RBPJ: variants seen among roughly 807,000 people sequenced by gnomAD.
RBPJ encodes recombining binding protein suppressor of hairless.
RBPJ carries 9 observed loss-of-function variants against 67.8 expected under a neutral mutation model. The ratio of observed to expected loss-of-function variants is 0.13; its 90% CI spans 0.08 to 0.23. The LOEUF (loss-of-function observed/expected upper bound fraction) is 0.23, where lower values mean the gene tolerates loss of function less well. RBPJ is among the 10% of genes least tolerant of loss of function. RBPJ has a pLI of 1.00. For missense variants in RBPJ, 305 were observed against 595.6 expected (o/e 0.51, Z 5.08); for synonymous variants, 198 against 203.3 (o/e 0.97, Z 0.22).
chr4:26,245,691 G>A (rs1719905391), intron 1 of RBPJ, among the ~76,000 whole-genome samples: 1 of 152,166 alleles, frequency 6.6e-6, no homozygotes, highest in Admixed American at 6.5e-5. Context: ...TTTCTTCTAT[G>A]AGTTTTATAG....
intron 1 of RBPJ, among the ~76,000 whole-genome samples, chr4:26,366,681 A>G (rs1345798748): frequency 6.6e-6 from 1 of 152,010 alleles, no homozygotes; most frequent in Non-Finnish European, 1.5e-5. Context: ...CGGCTTCCCA[A>G]AGTGCTGGGA....
intron 1 of RBPJ, among the ~76,000 whole-genome samples, chr4:26,250,506 A>G (rs1393981506): frequency 6.6e-6 from 1 of 151,662 alleles, no homozygotes; most frequent in African/African-American, 2.4e-5. Context: ...TAATTTTTGT[A>G]TTTTTAGTAG....
At chr4:26,280,163 G>C (rs1321749902) in intron 1 of RBPJ, among the ~76,000 whole-genome samples, 1 of 151,530 alleles carries the variant, frequency 6.6e-6, no homozygotes, top group Non-Finnish European at 1.5e-5. Flanking sequence ...GGGAGGCCGA[G>C]GTGGATGGAT....
At chr4:26,312,124 T>C (rs1027948100) in intron 1 of RBPJ, among the ~76,000 whole-genome samples, 1 of 151,720 alleles carries the variant, frequency 6.6e-6, no homozygotes, top group African/African-American at 2.4e-5. Context: ...AGGGCCTTCT[T>C]ATTTTATTTT....
chr4:26,266,853 C>A (rs1342040554), intron 1 of RBPJ, among the ~76,000 whole-genome samples: 1 of 152,138 alleles, frequency 6.6e-6, no homozygotes, highest in Non-Finnish European at 1.5e-5. Flanking sequence ...AGAAACACCA[C>A]AATTCCCAGG....
the RBPJ span, among the ~76,000 whole-genome samples, chr4:26,134,960 G>A: frequency 3.9e-4 from 60 of 152,212 alleles, no homozygotes; most frequent in African/African-American, 1.4e-3. Context: ...AGCAGAGGCA[G>A]TGGCAGGTCT....
intron 2 of RBPJ, among the ~76,000 whole-genome samples, chr4:26,387,840 A>C (rs2725326): frequency 0.024 from 3,686 of 152,288 alleles, 131 homozygotes; most frequent in African/African-American, 0.073. Flanking sequence ...AAATCTCATA[A>C]TTTATGGGGC....
intron 1 of RBPJ, among the ~76,000 whole-genome samples, chr4:26,260,192 TG>T (rs1197166265): frequency 5.9e-5 from 9 of 152,230 alleles, no homozygotes; most frequent in Non-Finnish European, 1.5e-5. Flanking sequence ...AGCATGGACC[TG>T]TATGTTTAGA....
chr4:26,343,739 CT>C (rs71186404), intron 1 of RBPJ, among the ~76,000 whole-genome samples: 1,074 of 55,810 alleles, frequency 0.019, 2 homozygotes, highest in African/African-American at 0.048. Context: ...TTTCTTTCTT[CT>C]TTTTTTTTTT....
intron 1 of RBPJ, among the ~76,000 whole-genome samples, chr4:26,165,485 T>C (rs540496586): frequency 6.6e-6 from 1 of 152,166 alleles, no homozygotes; most frequent in East Asian, 1.9e-4. Flanking sequence ...TAGGCAAGGG[T>C]TACCTAGGTA....
At position 26,226,096 on chromosome 4, in the gene RBPJ, C is replaced by T. The variant is rs374338786; in HGVS notation, c.-167+62482C>T. 6.0e-5 allele frequency among the ~76,000 whole-genome samples: 9 copies of T among 150,548 alleles called. No homozygotes were observed. The South Asian group carries it at 1.9e-3, about 32-fold the overall frequency. On this transcript the variant is annotated intron_variant, in intron 1 of 4. Transcript: ENST00000512351. ...CCTGGGAGGTGGAGGTTGCAGTGAGCCAAGATCATGCAATTGCACTCCAGC... is the reference window on the plus strand; with the variant it reads ...CCTGGGAGGTGGAGGTTGCAGTGAGTCAAGATCATGCAATTGCACTCCAGC...
At chr4:26,127,103 G>T in the RBPJ span, among the ~76,000 whole-genome samples, 21 of 152,318 alleles carry the variant, frequency 1.4e-4, no homozygotes, top group East Asian at 3.9e-3. Flanking sequence ...ATGATCTTGG[G>T]TGGGGTGACT....
intron 1 of RBPJ, among the ~76,000 whole-genome samples, chr4:26,202,992 A>C (rs1304508439): frequency 2.0e-5 from 3 of 146,782 alleles, no homozygotes. Flanking sequence ...GAAGGAAGGA[A>C]GGAAGGAAGG....
chr4:26,400,104 A>G (rs1200505748), intron 2 of RBPJ, among the ~76,000 whole-genome samples: 2 of 152,354 alleles, frequency 1.3e-5, no homozygotes, highest in Middle Eastern at 3.4e-3. Context: ...TTCTACGGTC[A>G]AGGATTCTTC....
At chr4:26,309,113 C>T (rs1722343546) in intron 1 of RBPJ, among the ~76,000 whole-genome samples, 1 of 150,692 alleles carries the variant, frequency 6.6e-6, no homozygotes, top group African/African-American at 2.4e-5. Context: ...GGCTCACTTG[C>T]AGCCTTGGCC....
intron 1 of RBPJ, among the ~76,000 whole-genome samples, chr4:26,346,030 C>T (rs980513991): frequency 6.6e-6 from 1 of 152,132 alleles, no homozygotes; most frequent in African/African-American, 2.4e-5. Context: ...CACACACACA[C>T]ACACAAACAC....
chr4:26,123,102 G>A, the RBPJ span, among the ~76,000 whole-genome samples: 1 of 152,124 alleles, frequency 6.6e-6, no homozygotes, highest in African/African-American at 2.4e-5. Context: ...TTGTTATTGT[G>A]AGAACATCAT....
intron 1 of RBPJ, 50 bp from the exon 2 acceptor site, chr4:26,386,303 T>C: frequency 1.6e-6 from 2 of 1,275,118 alleles, no homozygotes; most frequent in Non-Finnish European, 2.2e-6. Context: ...TTCTGTAGAG[T>C]GTATCATAAA....
At chr4:26,387,616 C>T (rs1022713062) in intron 2 of RBPJ, among the ~76,000 whole-genome samples, 2 of 152,082 alleles carry the variant, frequency 1.3e-5, no homozygotes, top group Non-Finnish European at 2.9e-5. Context: ...GTTAGCAGGG[C>T]TGCAAAGTGG....
Sources: gnomAD v4.1 joint callset for allele counts (sites outside exome capture counted in the v4.1 genomes callset) on GRCh38, gnomAD v4.1.1 for gene constraint, MANE v1.5 for transcripts, NCBI Gene and HGNC (gene_info 2026-07-23, HGNC 2026-07-21) for gene names.